The following FYN variants were observed in gnomAD, a reference collection of about 807,000 sequenced individuals.
The protein encoded by FYN is tyrosine-protein kinase Fyn.
Under a neutral mutation model 70.2 loss-of-function variants are expected in FYN, and 10 were observed. The ratio of observed to expected loss-of-function variants is 0.14; its 90% confidence interval spans 0.09 to 0.24. The LOEUF (loss-of-function observed/expected upper bound fraction) is 0.24. FYN is among the 10% of genes least tolerant of loss of function. FYN has a pLI of 1.00. For synonymous variants in FYN, 236 were observed against 248.6 expected, an observed-to-expected ratio of 0.95 and a Z score of 0.48; for missense variants, 319 against 673.1, an observed-to-expected ratio of 0.47 and a Z score of 5.82.
intron 1 of FYN, among the ~76,000 whole-genome samples, chr6:111,867,086 G>C (rs1774128493): frequency 6.6e-6 from 1 of 152,160 alleles, no homozygotes; most frequent in Non-Finnish European, 1.5e-5. Context: ...TGCCCTTTCT[G>C]CTCTTTCTAC....
intron 1 of FYN, among the ~76,000 whole-genome samples, chr6:111,861,898 G>C (rs1362114320): frequency 4.6e-5 from 7 of 152,170 alleles, no homozygotes. Context: ...TCATTACTTC[G>C]TAGAGCCTTA....
chr6:111,784,973 A>G (rs541991836), intron 2 of FYN, among the ~76,000 whole-genome samples: 4 of 152,348 alleles, frequency 2.6e-5, no homozygotes, highest in Non-Finnish European at 4.4e-5. Flanking sequence ...TAGAAGTGAC[A>G]GAGTCAAGGA....
chr6:111,848,118 T>C (rs1773583965), intron 1 of FYN, among the ~76,000 whole-genome samples: 1 of 152,240 alleles, frequency 6.6e-6, no homozygotes, highest in Non-Finnish European at 1.5e-5. Flanking sequence ...ATCAATACTA[T>C]GAGAACTCTT....
chr6:111,745,449 A>G (rs1201901877), intron 3 of FYN, among the ~76,000 whole-genome samples: 2 of 152,126 alleles, frequency 1.3e-5, no homozygotes, highest in Non-Finnish European at 2.9e-5. Flanking sequence ...GGGGTGCGCA[A>G]GGGGATGGGC....
chr6:111,868,630 T>G (rs1215151600), intron 1 of FYN, among the ~76,000 whole-genome samples: 2 of 152,232 alleles, frequency 1.3e-5, no homozygotes, highest in Non-Finnish European at 2.9e-5. Flanking sequence ...TTATGGCACA[T>G]AACGTATTTT....
chr6:111,734,682 G>T (rs1207314194), intron 3 of FYN, among the ~76,000 whole-genome samples: 1 of 150,962 alleles, frequency 6.6e-6, no homozygotes, highest in Non-Finnish European at 1.5e-5. Context: ...ACAATAACAA[G>T]AATGAAGAAA....
chr6:111,827,590 TG>T (rs1483092961), intron 2 of FYN, among the ~76,000 whole-genome samples: 2 of 152,186 alleles, frequency 1.3e-5, no homozygotes, highest in African/African-American at 4.8e-5. Flanking sequence ...ACAGTGACAC[TG>T]GGGGTATACG....
At chr6:111,829,212 C>A (rs573699810) in intron 2 of FYN, among the ~76,000 whole-genome samples, 30 of 152,304 alleles carry the variant, frequency 2.0e-4, no homozygotes, top group African/African-American at 7.2e-4. Context: ...TCTTAACTCA[C>A]CATCATCCTC....
chr6:111,809,657 C>G (rs976582078), intron 2 of FYN, among the ~76,000 whole-genome samples: 4 of 152,212 alleles, frequency 2.6e-5, no homozygotes, highest in African/African-American at 7.2e-5. Context: ...TGCCAATCCC[C>G]CTCTTCACTG....
chr6:111,732,214 T>C (rs9374283), intron 3 of FYN, among the ~76,000 whole-genome samples: 5,737 of 152,330 alleles, frequency 0.038, 157 homozygotes, highest in East Asian at 0.13. Context: ...CGAACACTAC[T>C]GCTTGTAAAA....
intron 12 of FYN, among the ~76,000 whole-genome samples, chr6:111,678,108 A>ATGTGTGTGTGTGTGTGTGTGTG (rs57015847): frequency 2.1e-3 from 198 of 93,998 alleles, no homozygotes; most frequent in African/African-American, 4.5e-3. Flanking sequence ...AGGCCATAAT[A>ATGTGTGTGTGTGTGTGTGTGTG]TGTGTGTGTG....
chr6:111,733,723 C>T (rs1412456287), intron 3 of FYN, among the ~76,000 whole-genome samples: 1 of 152,238 alleles, frequency 6.6e-6, no homozygotes, highest in Non-Finnish European at 1.5e-5. Context: ...AACCAGGCTG[C>T]TGAGTAGCCC....
At chr6:111,789,598 T>A (rs920476960) in intron 2 of FYN, among the ~76,000 whole-genome samples, 1 of 152,214 alleles carries the variant, frequency 6.6e-6, no homozygotes, top group African/African-American at 2.4e-5. Flanking sequence ...TCTATGAGAC[T>A]CATGAGAATG....
At chr6:111,739,847 G>A (rs950810103) in intron 3 of FYN, among the ~76,000 whole-genome samples, 4 of 152,172 alleles carry the variant, frequency 2.6e-5, no homozygotes, top group African/African-American at 9.7e-5. Flanking sequence ...TTGTTAAGAT[G>A]GAGTCTCACC....
At chr6:111,839,428 T>C (rs1243584125) in intron 2 of FYN, among the ~76,000 whole-genome samples, 1 of 152,054 alleles carries the variant, frequency 6.6e-6, no homozygotes, top group African/African-American at 2.4e-5. Flanking sequence ...TTATCACACA[T>C]AAGCTCAATG....
chr6:111,731,306 G>A (rs901986491), intron 3 of FYN, among the ~76,000 whole-genome samples: 5 of 152,220 alleles, frequency 3.3e-5, no homozygotes, highest in African/African-American at 7.2e-5. Context: ...GACACAGAAA[G>A]GACTTTGAAG....
At chr6:111,812,547 C>T (rs1206562302) in intron 2 of FYN, among the ~76,000 whole-genome samples, 1 of 148,450 alleles carries the variant, frequency 6.7e-6, no homozygotes, top group Non-Finnish European at 1.5e-5. Flanking sequence ...ACCAAATATG[C>T]TTACACAGCT....
intron 2 of FYN, among the ~76,000 whole-genome samples, chr6:111,831,766 T>C (rs1183211566): frequency 1.3e-5 from 2 of 152,198 alleles, no homozygotes; most frequent in Non-Finnish European, 2.9e-5. Context: ...TTAGGTAGTT[T>C]TACAATCCTA....
intron 12 of FYN, among the ~76,000 whole-genome samples, chr6:111,688,236 A>G (rs945785042): frequency 6.6e-6 from 1 of 152,176 alleles, no homozygotes. Flanking sequence ...ATGCTCTAGG[A>G]ATACGGCGTC....
Sources: allele counts gnomAD v4.1 joint callset (sites outside exome capture counted in the v4.1 genomes callset), GRCh38; gene constraint gnomAD v4.1.1; transcripts MANE v1.5; gene names NCBI Gene and HGNC (gene_info 2026-07-23, HGNC 2026-07-21).